HYDIN: variants seen among roughly 807,000 people sequenced by gnomAD.
HYDIN encodes HYDIN axonemal central pair apparatus protein, also known as axonemal central pair apparatus protein HYDIN.
A neutral mutation model predicts 403.9 loss-of-function variants in HYDIN; 132 were observed. That is an observed-to-expected ratio of 0.33 (90% CI 0.28 to 0.38). The LOEUF is 0.38. Ranked by LOEUF, HYDIN falls within the 10% of genes least tolerant of loss-of-function variation. The probability of loss-of-function intolerance (pLI) is 1.00; values close to 1 mark genes in which losing one functional copy is unlikely to be tolerated. For synonymous variants in HYDIN, 1,202 were observed against 1,891.7 expected, an observed-to-expected ratio of 0.64 and a Z score of 9.46; for missense variants, 2,827 against 5,009.5, an observed-to-expected ratio of 0.56 and a Z score of 13.15.
chr16:71,028,305 G>T (rs2080785221), intron 19 of HYDIN, among the ~76,000 whole-genome samples: 1 of 152,072 alleles, frequency 6.6e-6, no homozygotes, highest in Admixed American at 6.5e-5. Flanking sequence ...AAGCTTTGAA[G>T]AAAAACCATG....
At chr16:70,944,847 G>A (rs2077801119) in intron 41 of HYDIN, among the ~76,000 whole-genome samples, 1 of 152,140 alleles carries the variant, frequency 6.6e-6, no homozygotes, top group Non-Finnish European at 1.5e-5. Flanking sequence ...CCGCCTCTCG[G>A]GTTTAAGTGA....
chr16:70,964,241 G>A (rs1220072471), intron 37 of HYDIN, among the ~76,000 whole-genome samples: 11 of 149,688 alleles, frequency 7.3e-5, no homozygotes, highest in Admixed American at 4.1e-4. Flanking sequence ...TTGTGTGAAT[G>A]CCCACCCCCT....
intron 19 of HYDIN, among the ~76,000 whole-genome samples, chr16:71,030,072 T>A (rs1597590574): frequency 1.3e-5 from 2 of 152,192 alleles, no homozygotes; most frequent in East Asian, 1.9e-4. Flanking sequence ...TAATTTGAGA[T>A]GAAGTCTTGC....
rs1354948503 is a variant in HYDIN at position 71,157,482 on chromosome 16, T to A, written c.717-4699A>T. ...TAGAACGGATCCTTGTCAGGGGATCTCCTTAGAGATTCTAACTCAATATGA... is the reference window on the plus strand; with the variant it reads ...TAGAACGGATCCTTGTCAGGGGATCACCTTAGAGATTCTAACTCAATATGA... On this transcript the variant is annotated intron_variant, in intron 6 of 85. Transcript: ENST00000393567. 2.7e-5 allele frequency among the ~76,000 whole-genome samples: 4 copies of A among 150,016 alleles called. No homozygotes were observed. The East Asian group carries it at 8.1e-4, about 30-fold the overall frequency.
intron 1 of HYDIN, among the ~76,000 whole-genome samples, chr16:71,216,657 C>A (rs905521461): frequency 1.3e-5 from 2 of 152,138 alleles, no homozygotes; most frequent in Admixed American, 6.5e-5. Context: ...AACTAAAATT[C>A]TAAGGAGAGT....
intron 1 of HYDIN, among the ~76,000 whole-genome samples, chr16:71,199,510 G>A (rs1053736794): frequency 6.6e-5 from 10 of 152,206 alleles, no homozygotes; most frequent in Non-Finnish European, 7.4e-5. Flanking sequence ...GGGAAAGAAG[G>A]GGCTCCAATT....
intron 18 of HYDIN, among the ~76,000 whole-genome samples, chr16:71,043,942 A>G (rs1007516666): frequency 2.0e-5 from 3 of 149,264 alleles, no homozygotes; most frequent in African/African-American, 4.9e-5. Context: ...GAAAGAAAGA[A>G]AGAGAGAGAG....
Position 70,943,963 on chromosome 16 carries a change from G to C in HYDIN, c.6532-14C>G. 6.3e-7 allele frequency: 1 copy of C among 1,575,890 alleles called. No homozygotes were observed. On this transcript the variant is annotated splice_polypyrimidine_tract_variant and intron_variant, in intron 41 of 85. Coordinates refer to ENST00000393567, the MANE Select transcript of HYDIN (RefSeq NM_001270974.2). The stretch of plus-strand genomic sequence containing the variant: ...GCTGGAGGAAATCTGTTGAGTGGGA[G>C]AAGGATCAGGAGTCAGAATCTGGCC...
In HYDIN at chr16:70,860,777, C is replaced by T; in HGVS notation, c.11902G>A (p.Glu3968Lys). 1 of 601,574 alleles carries T rather than the reference C, an allele frequency of 1.7e-6. No homozygotes were observed. Among genetic ancestry groups the T allele is most frequent in the East Asian group, 2.8e-5 (1 of 35,820 alleles). The allele number at this position is 601,574 out of a possible 1,614,324, so 37.3% of individuals were successfully genotyped here. ...GCTCCCCCACTGGACCCTCGGAGCT[C>T]TGGGTTGCGCTGATGGCCACTTATG... ...DYISGHQRNP[E>K]LRGSSGGALD... The change falls in exon 70 of 86, where the codon GAG becomes AAG. Residue 3968 changes from glutamate to lysine, a missense_variant. By Grantham distance (56) the Glu-to-Lys change is moderately conservative (BLOSUM62 1). Transcript: ENST00000393567.
chr16:70,824,648 A>C (rs1254126208), intron 83 of HYDIN, among the ~76,000 whole-genome samples: 1 of 148,280 alleles, frequency 6.7e-6, no homozygotes, highest in African/African-American at 2.5e-5. Flanking sequence ...TTGCCTCAAT[A>C]TGGGGTTTCA....
chr16:71,133,952 G>A (rs984856621), intron 8 of HYDIN, among the ~76,000 whole-genome samples: 1 of 152,096 alleles, frequency 6.6e-6, no homozygotes, highest in African/African-American at 2.4e-5. Flanking sequence ...CCACGGGGAG[G>A]AACGTCATTG....
chr16:70,971,551 T>A (rs1320102650), intron 35 of HYDIN, among the ~76,000 whole-genome samples: 1 of 152,168 alleles, frequency 6.6e-6, no homozygotes, highest in East Asian at 1.9e-4. Flanking sequence ...TTTAACCAGA[T>A]GCCTAGGTTA....
At chr16:70,909,718 T>TA in intron 47 of HYDIN, among the ~76,000 whole-genome samples, 1 of 123,384 alleles carries the variant, frequency 8.1e-6, no homozygotes, top group Non-Finnish European at 1.7e-5. Context: ...TTTTTTGAGA[T>TA]AGAGTCTCGC....
chr16:70,943,246 A>G (rs2077737616), intron 42 of HYDIN, among the ~76,000 whole-genome samples: 1 of 152,200 alleles, frequency 6.6e-6, no homozygotes, highest in Non-Finnish European at 1.5e-5. Context: ...AATTAGAAAG[A>G]GTGTTACTGT....
chr16:70,893,755 G>A (rs1297765501), intron 55 of HYDIN: 1 of 151,530 alleles, frequency 6.6e-6, no homozygotes, highest in Admixed American at 6.6e-5. Flanking sequence ...CAACTCCTGG[G>A]CTCAAGCAAT....
intron 8 of HYDIN, among the ~76,000 whole-genome samples, chr16:71,135,880 C>A (rs1167097377): frequency 6.8e-6 from 1 of 147,730 alleles, no homozygotes; most frequent in Non-Finnish European, 1.5e-5. Context: ...CCCACTGTGT[C>A]CTGTCATTGT....
At chr16:71,002,998 T>A (rs1323457821) in intron 23 of HYDIN, among the ~76,000 whole-genome samples, 2 of 152,192 alleles carry the variant, frequency 1.3e-5, no homozygotes, top group East Asian at 1.9e-4. Flanking sequence ...TATGCCTTTT[T>A]CTATATAGAT....
chr16:71,145,953 C>A (rs757453), intron 7 of HYDIN, among the ~76,000 whole-genome samples: 9 of 147,470 alleles, frequency 6.1e-5, no homozygotes, highest in Admixed American at 4.0e-4. Flanking sequence ...TTGATTCTAT[C>A]GAGCTATAAG....
At position 70,806,328 on chromosome 16, in the gene HYDIN, A is replaced by C. The variant is rs952190797; in HGVS notation, c.*1252T>G. Among the ~76,000 whole-genome samples the C allele has an allele frequency of 4.6e-5, 7 of 152,086 alleles. No individual in the cohort carries two copies. The highest frequency in any genetic ancestry group is 1.7e-4 in the African/African-American group (7 of 41,378). ...TGAGGATGAGGGAGGACTATTGTAA[A>C]GGTCTGTGTTTACAGACATTCTAGA... On this transcript the variant is annotated 3_prime_UTR_variant, in exon 86 of 86. Transcript: ENST00000393567.
Sources: gnomAD v4.1 joint callset for allele counts (sites outside exome capture counted in the v4.1 genomes callset) on GRCh38, gnomAD v4.1.1 for gene constraint, MANE v1.5 for transcripts, NCBI Gene and HGNC (gene_info 2026-07-23, HGNC 2026-07-21) for gene names.